XYLT1: variants seen among roughly 807,000 people sequenced by gnomAD.
XYLT1 encodes beta-D-xylosyltransferase 1.
In XYLT1, 36 loss-of-function variants were observed where a neutral mutation model predicts 91.3. That is an observed-to-expected ratio of 0.39 (90% CI 0.30 to 0.52). XYLT1 has a LOEUF of 0.52. XYLT1 is among the 20% of genes least tolerant of loss of function. The pLI is 0.68. For synonymous variants in XYLT1, 588 were observed against 532.0 expected, an observed-to-expected ratio of 1.11 and a Z score of -1.45; for missense variants, 1,242 against 1,284.5, an observed-to-expected ratio of 0.97 and a Z score of 0.51.
At chr16:17,376,745 T>G (rs1474571344) in intron 1 of XYLT1, among the ~76,000 whole-genome samples, 1 of 147,550 alleles carries the variant, frequency 6.8e-6, no homozygotes, top group African/African-American at 2.6e-5. Context: ...GAGAATCGCT[T>G]GAATCCGGGA....
chr16:17,384,268 C>A (rs2035720042), intron 1 of XYLT1, among the ~76,000 whole-genome samples: 1 of 151,622 alleles, frequency 6.6e-6, no homozygotes, highest in East Asian at 2.0e-4. Flanking sequence ...GCTGTACAAC[C>A]AATCCCAGGT....
chr16:17,377,451 GCT>G (rs778606239), intron 1 of XYLT1, among the ~76,000 whole-genome samples: 2 of 152,064 alleles, frequency 1.3e-5, no homozygotes, highest in East Asian at 1.9e-4. Flanking sequence ...AGACATCCAG[GCT>G]CTTTGTTTGG....
At chr16:17,122,510 T>A (rs2030103011) in intron 10 of XYLT1, among the ~76,000 whole-genome samples, 1 of 152,260 alleles carries the variant, frequency 6.6e-6, no homozygotes, top group African/African-American at 2.4e-5. Flanking sequence ...ATCTACAGAT[T>A]GCAAAGATTT....
intron 9 of XYLT1, 118 bp from the exon 10 acceptor site, chr16:17,127,979 G>A: frequency 1.2e-6 from 1 of 859,160 alleles, no homozygotes; most frequent in African/African-American, 1.7e-5. Flanking sequence ...AATGCCTACT[G>A]TTTTCCTTGC....
At chr16:17,386,399 T>A (rs1378595570) in intron 1 of XYLT1, among the ~76,000 whole-genome samples, 1 of 152,310 alleles carries the variant, frequency 6.6e-6, no homozygotes, top group South Asian at 2.1e-4. Flanking sequence ...GTTATTCACA[T>A]TCCCAAAGGA....
intron 2 of XYLT1, among the ~76,000 whole-genome samples, chr16:17,288,245 G>A (rs2310850): frequency 0.61 from 92,120 of 150,584 alleles, 28,694 homozygotes; most frequent in African/African-American, 0.69. Flanking sequence ...TAATTCTTCA[G>A]GTGGGGGCCG....
At chr16:17,263,598 C>G (rs551365491) in intron 2 of XYLT1, among the ~76,000 whole-genome samples, 2 of 151,904 alleles carry the variant, frequency 1.3e-5, no homozygotes, top group Admixed American at 1.3e-4. Flanking sequence ...CAGAGAGAGG[C>G]GCAGTCAGCG....
chr16:17,428,327 G>A (rs1009158914), intron 1 of XYLT1, among the ~76,000 whole-genome samples: 3 of 152,188 alleles, frequency 2.0e-5, no homozygotes, highest in Non-Finnish European at 4.4e-5. Context: ...AGGACAGCTT[G>A]AGGGTGCAGC....
intron 2 of XYLT1, among the ~76,000 whole-genome samples, chr16:17,318,882 G>C (rs1189806001): frequency 6.6e-6 from 1 of 151,864 alleles, no homozygotes; most frequent in Admixed American, 6.6e-5. Context: ...CTGCTTCCTG[G>C]GTTCAAGCGA....
intron 2 of XYLT1, among the ~76,000 whole-genome samples, chr16:17,265,186 C>T (rs1033916620): frequency 2.0e-5 from 3 of 152,022 alleles, no homozygotes; most frequent in Non-Finnish European, 4.4e-5. Context: ...GACTCTGTCT[C>T]AAAACAAACA....
intron 3 of XYLT1, among the ~76,000 whole-genome samples, chr16:17,201,579 A>T (rs1453906248): frequency 2.7e-5 from 4 of 149,644 alleles, no homozygotes; most frequent in Non-Finnish European, 5.9e-5. Context: ...GGTTCAAGTG[A>T]TTTTCCTGCC....
chr16:17,405,320 C>T (rs2036018950), intron 1 of XYLT1, among the ~76,000 whole-genome samples: 2 of 152,216 alleles, frequency 1.3e-5, no homozygotes, highest in Admixed American at 1.3e-4. Flanking sequence ...TCTGGAGAAA[C>T]AGCGTGGCTG....
chr16:17,179,512 T>C (rs1440928809), intron 5 of XYLT1, among the ~76,000 whole-genome samples: 1 of 152,202 alleles, frequency 6.6e-6, no homozygotes, highest in African/African-American at 2.4e-5. Context: ...CCTCTTTCCA[T>C]GCAATAGTTT....
chr16:17,331,019 AG>A (rs752135821), intron 2 of XYLT1, among the ~76,000 whole-genome samples: 9 of 152,204 alleles, frequency 5.9e-5, no homozygotes, highest in African/African-American at 9.7e-5. Flanking sequence ...GCACAAAGGG[AG>A]GGCTTATGCT....
At chr16:17,279,809 G>C (rs925572837) in intron 2 of XYLT1, among the ~76,000 whole-genome samples, 21 of 152,110 alleles carry the variant, frequency 1.4e-4, no homozygotes, top group African/African-American at 4.1e-4. Context: ...AGCAGTTAGG[G>C]GACAACAGGA....
intron 11 of XYLT1, among the ~76,000 whole-genome samples, 176 bp downstream of exon 11, chr16:17,117,470 A>G (rs1966854680): frequency 2.0e-5 from 3 of 152,196 alleles, no homozygotes; most frequent in Admixed American, 2.0e-4. Context: ...GTGTGCAGGT[A>G]GGACATTAGA....
At chr16:17,144,628 T>C (rs2141524764) in intron 6 of XYLT1, among the ~76,000 whole-genome samples, 1 of 152,278 alleles carries the variant, frequency 6.6e-6, no homozygotes. Context: ...TTTGGCTTAA[T>C]TGGGAGATTG....
chr16:17,428,919 A>G (rs550280307), intron 1 of XYLT1, among the ~76,000 whole-genome samples: 55 of 152,288 alleles, frequency 3.6e-4, no homozygotes, highest in Non-Finnish European at 5.4e-4. Context: ...TGCAGGGTCA[A>G]TGGATGAAAT....
chr16:17,378,275 C>A (rs917884636), intron 1 of XYLT1, among the ~76,000 whole-genome samples: 3 of 151,126 alleles, frequency 2.0e-5, no homozygotes, highest in Admixed American at 6.6e-5. Context: ...GTTCCCATAC[C>A]AAATAGGTAT....
Sources: allele counts gnomAD v4.1 joint callset (sites outside exome capture counted in the v4.1 genomes callset), GRCh38; gene constraint gnomAD v4.1.1; transcripts MANE v1.5; gene names NCBI Gene and HGNC (gene_info 2026-07-23, HGNC 2026-07-21).